The following ZNF266 variants were observed in gnomAD, a reference collection of about 807,000 sequenced individuals.
ZNF266 encodes zinc finger protein 266.
In ZNF266, 16 loss-of-function variants were observed where a neutral mutation model predicts 16.4. The ratio of observed to expected loss-of-function variants is 0.98; its 90% CI spans 0.66 to 1.48. ZNF266 has a LOEUF of 1.48. Ranked by LOEUF, ZNF266 falls within the 40% of genes most tolerant of loss-of-function variation. ZNF266 has a pLI of 0.00. For missense variants in ZNF266, 738 were observed against 689.1 expected (o/e 1.07, Z -0.79); for synonymous variants, 262 against 237.9 (o/e 1.10, Z -0.93).
chr19:9,429,946 G>C (rs10418233), intron 5 of ZNF266, among the ~76,000 whole-genome samples: 85,236 of 151,388 alleles, frequency 0.56, 24,239 homozygotes, highest in Middle Eastern at 0.63. Flanking sequence ...TCAAAGACGA[G>C]CAAAAATTTT....
At position 9,418,641 on chromosome 19, in the gene ZNF266, C is replaced by A; in HGVS notation, c.109-10G>T. ...CAAAAGTCACTGAATCCTAAACCAT[C>A]ACACACATGCTGGCTTGAGCCACAA... On this transcript the variant is annotated splice_polypyrimidine_tract_variant and intron_variant, in intron 7 of 10. Coordinates refer to ENST00000592904, the MANE Select transcript of ZNF266 (RefSeq NM_001370374.1). The A allele has an allele frequency of 7.9e-7, 1 of 1,271,862 alleles. No individual in the cohort carries two copies. Among genetic ancestry groups the A allele is most frequent in the Non-Finnish European group, 1.2e-6 (1 of 869,402 alleles). The allele number at this position is 1,271,862 out of a possible 1,614,324, so 78.8% of individuals were successfully genotyped here.
intron 3 of ZNF266, among the ~76,000 whole-genome samples, 171 bp downstream of exon 3, chr19:9,434,627 T>C (rs999081147): frequency 1.3e-5 from 2 of 152,294 alleles, no homozygotes; most frequent in Middle Eastern, 3.4e-3. Context: ...CAAAACCATA[T>C]ATTGGAACAA....
intron 4 of ZNF266, 108 bp from the exon 5 acceptor site, chr19:9,433,894 CAA>C (rs1280754049): frequency 6.6e-6 from 1 of 152,030 alleles, no homozygotes; most frequent in Non-Finnish European, 1.5e-5. Context: ...CTTGAAAACC[CAA>C]GAGGTGGAGG....
chr19:9,420,377 A>G (rs369953816), intron 5 of ZNF266, 159 bp from the exon 6 acceptor site: 6 of 152,236 alleles, frequency 3.9e-5, no homozygotes, highest in Non-Finnish European at 8.8e-5. Context: ...AGTGTGTGTC[A>G]GAAGTCACAC....
In ZNF266 at chr19:9,434,086, C is replaced by G. The variant is rs1417108046; in HGVS notation, c.-260G>C. 1 of 152,206 alleles carries G rather than the reference C, an allele frequency of 6.6e-6. No homozygotes were observed. 9.4% of individuals were successfully genotyped at this position (152,206 alleles called of 1,614,324 possible). A position where few individuals can be genotyped will look rare whatever the true frequency, so the allele number is the denominator to read the frequency against. ...TGACTCTGTCAAACCTGGGAGTAATCTTTGATGCACTCCTCTCTCTCACCA... is the reference window on the plus strand; with the variant it reads ...TGACTCTGTCAAACCTGGGAGTAATGTTTGATGCACTCCTCTCTCTCACCA... On this transcript the variant is annotated 5_prime_UTR_variant, in exon 4 of 11. Transcript: ENST00000592904.
chr19:9,432,957 A>T (rs1407366989), intron 5 of ZNF266, among the ~76,000 whole-genome samples: 1 of 152,168 alleles, frequency 6.6e-6, no homozygotes, highest in Non-Finnish European at 1.5e-5. Context: ...AATAGTTTGT[A>T]TTCATTCATT....
rs1426124214 is a variant in ZNF266, at chr19:9,413,292, C to A, written c.1834G>T (p.Glu612Ter). Reference sequence around the variant, plus strand: ...CACATTCCTTATGCTGACAGTCTCTCATCCGCATGCCTTCTTTCATGATTT... The same window carrying A: ...CACATTCCTTATGCTGACAGTCTCTAATCCGCATGCCTTCTTTCATGATTT... ...FRNHERRHAD[E>*]RLSA Residue 612 changes from glutamate to a stop codon, truncating the protein, a stop_gained, in exon 11 of 11, where the codon GAG becomes TAG. Coordinates refer to ENST00000592904, the MANE Select transcript of ZNF266 (RefSeq NM_001370374.1). LOFTEE classifies it low-confidence loss of function (END_TRUNC). 4.4e-6 allele frequency: 7 copies of A among 1,592,512 alleles called. No individual in the cohort carries two copies. In the African/African-American group the frequency reaches 8.1e-5, roughly 18 times the overall value.
intron 5 of ZNF266, among the ~76,000 whole-genome samples, chr19:9,423,773 A>G (rs2070289134): frequency 6.6e-6 from 1 of 152,238 alleles, no homozygotes; most frequent in African/African-American, 2.4e-5. Context: ...AGGCAGGTGG[A>G]TCGTTTCAGG....
At chr19:9,432,555 T>A (rs538029634) in intron 5 of ZNF266, among the ~76,000 whole-genome samples, 1 of 152,118 alleles carries the variant, frequency 6.6e-6, no homozygotes, top group Admixed American at 6.5e-5. Context: ...CGAAATGACA[T>A]ACAACAAAGC....
At chr19:9,430,410 G>C (rs1356050079) in intron 5 of ZNF266, among the ~76,000 whole-genome samples, 1 of 151,970 alleles carries the variant, frequency 6.6e-6, no homozygotes, top group African/African-American at 2.4e-5. Context: ...TCCCATCGTT[G>C]ATCGTCCCGC....
At chr19:9,417,762 G>A in intron 9 of ZNF266, 66 bp downstream of exon 9, 4 of 1,278,570 alleles carry the variant, frequency 3.1e-6, no homozygotes, top group Admixed American at 2.1e-5. Flanking sequence ...AAAAAAAAAA[G>A]TTTCCTCATT....
At chr19:9,425,742 C>T (rs10406056) in intron 5 of ZNF266, among the ~76,000 whole-genome samples, 87,748 of 151,936 alleles carry the variant, frequency 0.58, 25,779 homozygotes, top group African/African-American at 0.66. Flanking sequence ...ATAGTCCAAG[C>T]GCTCCCTAGG....
At chr19:9,417,555 C>T (rs1239795066) in intron 9 of ZNF266, among the ~76,000 whole-genome samples, 2 of 151,966 alleles carry the variant, frequency 1.3e-5, no homozygotes, top group East Asian at 1.9e-4. Flanking sequence ...GGTCAAACCC[C>T]GCCTCTACTA....
At chr19:9,417,773 A>G in intron 9 of ZNF266, 55 bp downstream of exon 9, 1 of 1,470,618 alleles carries the variant, frequency 6.8e-7, no homozygotes, top group Non-Finnish European at 9.4e-7. Flanking sequence ...TTTCCTCATT[A>G]TACTTATAAA....
intron 5 of ZNF266, among the ~76,000 whole-genome samples, chr19:9,429,425 C>T (rs1038577379): frequency 6.6e-5 from 10 of 152,036 alleles, no homozygotes; most frequent in East Asian, 1.9e-4. Context: ...ATTCTGTTAA[C>T]GGTTCGTCTT....
At chr19:9,430,341 C>T (rs2071404001) in intron 5 of ZNF266, among the ~76,000 whole-genome samples, 1 of 150,382 alleles carries the variant, frequency 6.6e-6, no homozygotes, top group Non-Finnish European at 1.5e-5. Context: ...GATGCCAGTC[C>T]TCCTGAGCCA....
chr19:9,418,732 C>T lies in ZNF266; in HGVS notation c.109-101G>A, dbSNP rs1172170333. The T allele has an allele frequency of 1.4e-5, 9 of 630,710 alleles. No homozygotes were observed. The East Asian group carries it at 2.0e-4, about 14-fold the overall frequency. 39.1% of individuals were successfully genotyped at this position (630,710 alleles called of 1,614,324 possible). On this transcript the variant is annotated intron_variant, in intron 7 of 10. Transcript: ENST00000592904. ...AGAGTCTGAGGGCTCACATTGCCCA[C>T]CCCAGGAGGTCCTCTCTATCCACAC... is the stretch of plus-strand genomic sequence containing the variant.
rs780877703 is a variant in ZNF266, at chr19:9,413,536, T to A, written c.1590A>T (p.Pro530=). 1.2e-6 allele frequency: 2 copies of A among 1,613,312 alleles called. No individual in the cohort carries two copies. Among genetic ancestry groups the A allele is most frequent in the Non-Finnish European group, 1.7e-6 (2 of 1,179,368 alleles). ...NHMRTHSAKK[P]FTCMECGKAF... Reference sequence around the variant, plus strand: ...CTTTGCCACATTCCATACACGTGAATGGTTTTTTGGCGCTGTGGGTCCGCA... The same window carrying A: ...CTTTGCCACATTCCATACACGTGAAAGGTTTTTTGGCGCTGTGGGTCCGCA... The change falls in exon 11 of 11, where the codon CCA becomes CCT. Residue 530 remains proline (P), a synonymous_variant. Coordinates refer to ENST00000592904, the MANE Select transcript of ZNF266 (RefSeq NM_001370374.1).
At chr19:9,433,286 A>G (rs568292033) in intron 5 of ZNF266, among the ~76,000 whole-genome samples, 10 of 152,230 alleles carry the variant, frequency 6.6e-5, no homozygotes, top group Non-Finnish European at 1.3e-4. Flanking sequence ...GGCAGCCCAC[A>G]TTGGCAGGTG....
Sources: gnomAD v4.1 joint callset for allele counts (sites outside exome capture counted in the v4.1 genomes callset) on GRCh38, gnomAD v4.1.1 for gene constraint, MANE v1.5 for transcripts, NCBI Gene and HGNC (gene_info 2026-07-23, HGNC 2026-07-21) for gene names.